ZNF528: variants seen among roughly 807,000 people sequenced by gnomAD.
The protein encoded by ZNF528 is zinc finger protein 528.
Under a neutral mutation model 13.3 loss-of-function variants are expected in ZNF528, and 9 were observed. The observed-to-expected ratio is 0.67, with a 90% CI of 0.41 to 1.18. The LOEUF is 1.18. Among genes scored for constraint, ZNF528 ranks in the 50% most tolerant of loss-of-function variants. The pLI is 0.01. For synonymous variants in ZNF528, 264 were observed against 254.3 expected, an observed-to-expected ratio of 1.04 and a Z score of -0.36; for missense variants, 858 against 745.4, an observed-to-expected ratio of 1.15 and a Z score of -1.76.
intron 4 of ZNF528, among the ~76,000 whole-genome samples, chr19:52,405,414 C>T (rs2122533077): frequency 6.6e-6 from 1 of 152,036 alleles, no homozygotes; most frequent in Non-Finnish European, 1.5e-5. Context: ...GCCTGTAGCC[C>T]CAGCTACTCC....
chr19:52,414,051 C>G (rs2058966286), intron 6 of ZNF528: 2 of 593,140 alleles, frequency 3.4e-6, no homozygotes, highest in Non-Finnish European at 6.1e-6. Flanking sequence ...CAGACAAGTT[C>G]TGCCCCACGT....
chr19:52,405,145 A>G (rs2058839682), intron 4 of ZNF528, among the ~76,000 whole-genome samples: 1 of 149,676 alleles, frequency 6.7e-6, no homozygotes. Flanking sequence ...TGAACCTGGG[A>G]GGTGGAGGTT....
intron 6 of ZNF528, among the ~76,000 whole-genome samples, chr19:52,410,368 G>C (rs944351627): frequency 6.6e-6 from 1 of 151,824 alleles, no homozygotes; most frequent in East Asian, 1.9e-4. Flanking sequence ...GTCGGTCAGC[G>C]GCTTGATTTA....
Position 52,416,568 on chromosome 19 carries a change from T to C in ZNF528, c.1716T>C (p.Thr572=). ...SGLTAHLAIH[T]EKKSHECKEC... ...TTACTGCCCATCTTGCAATCCATAC[T>C]GAAAAGAAATCTCATGAGTGTAAAG... Residue 572 remains threonine (T), a synonymous_variant, in exon 7 of 7, where the codon ACT becomes ACC. Coordinates refer to ENST00000360465, the MANE Select transcript of ZNF528 (RefSeq NM_032423.3). 1.2e-6 allele frequency: 2 copies of C among 1,614,192 alleles called. No homozygotes were observed. Among genetic ancestry groups the C allele is most frequent in the South Asian group, 1.1e-5 (1 of 91,082 alleles).
intron 2 of ZNF528, among the ~76,000 whole-genome samples, chr19:52,399,608 CAAAA>C (rs928264645): frequency 1.3e-5 from 2 of 151,728 alleles, no homozygotes; most frequent in African/African-American, 4.8e-5. Context: ...GACTCCATCT[CAAAA>C]AACAAAAAAC....
intron 5 of ZNF528, 29 bp downstream of exon 5, chr19:52,406,062 G>T (rs768490189): frequency 1.9e-6 from 3 of 1,597,534 alleles, no homozygotes; most frequent in Middle Eastern, 1.7e-4. Flanking sequence ...CAGAAGCCGG[G>T]ATCTGCCCTG....
At chr19:52,401,629 A>C in intron 2 of ZNF528, 56 bp from the exon 3 acceptor site, 1 of 1,209,650 alleles carries the variant, frequency 8.3e-7, no homozygotes, top group Non-Finnish European at 1.1e-6. Context: ...GTATGATTTT[A>C]GGAATCACAG....
At chr19:52,407,201 T>G (rs1405067814) in intron 6 of ZNF528, among the ~76,000 whole-genome samples, 2 of 151,734 alleles carry the variant, frequency 1.3e-5, no homozygotes, top group Non-Finnish European at 2.9e-5. Context: ...TGCAGTGGCA[T>G]GATTACGGCT....
chr19:52,416,877 GACATCACC>G lies in ZNF528; in HGVS notation c.*146_*153del. 1.2e-6 allele frequency: 1 copy of G among 823,902 alleles called. No homozygotes were observed. The highest frequency in any genetic ancestry group is 1.9e-6 in the Non-Finnish European group (1 of 536,030). 51.0% of individuals were successfully genotyped at this position (823,902 alleles called of 1,614,324 possible). A position where few individuals can be genotyped will look rare whatever the true frequency, so the allele number is the denominator to read the frequency against. ...TTTATCAAGGCCTGCCAAATCACTG[GACATCACC>G]ACATCACTGTGGAGGATGAAAGCAC... On this transcript the variant is annotated 3_prime_UTR_variant, in exon 7 of 7. Coordinates refer to ENST00000360465, the MANE Select transcript of ZNF528 (RefSeq NM_032423.3).
chr19:52,415,106 TTTTTC>T lies in ZNF528; in HGVS notation c.272-14_272-10del, dbSNP rs769668138. On this transcript the variant is annotated splice_polypyrimidine_tract_variant and intron_variant, in intron 6 of 6. Transcript: ENST00000360465. ...CATTATCATGGGTTGAAGTTCCACT[TTTTTC>T]TTTCTGTTTTAGAGAGGAGCTCTAA... 9 of 1,609,836 alleles carry T rather than the reference TTTTTC, an allele frequency of 5.6e-6. No homozygotes were observed. Among genetic ancestry groups the T allele is most frequent in the Non-Finnish European group, 7.6e-6 (9 of 1,177,936 alleles).
intron 2 of ZNF528, 131 bp downstream of exon 2, chr19:52,398,750 T>G (rs1172713629): frequency 5.5e-6 from 2 of 365,158 alleles, no homozygotes; most frequent in African/African-American, 4.3e-5. Flanking sequence ...AGGGAAGGCT[T>G]CTCAGACAGA....
chr19:52,409,728 T>C (rs1217431108), intron 6 of ZNF528, among the ~76,000 whole-genome samples: 1 of 152,088 alleles, frequency 6.6e-6, no homozygotes, highest in Non-Finnish European at 1.5e-5. Context: ...GTTTTTGTTT[T>C]TTTTGAGATG....
At chr19:52,405,018 C>T (rs919423230) in intron 4 of ZNF528, among the ~76,000 whole-genome samples, 1 of 151,320 alleles carries the variant, frequency 6.6e-6, no homozygotes, top group African/African-American at 2.4e-5. Context: ...GAGATCGAGA[C>T]CATCCTGGCC....
Position 52,416,206 on chromosome 19 carries a change from CT to C in ZNF528, c.1356del (p.Thr453LeufsTer5). The C allele has an allele frequency of 6.2e-7, 1 of 1,613,430 alleles. No individual in the cohort carries two copies. Among genetic ancestry groups the C allele is most frequent in the Non-Finnish European group, 8.5e-7 (1 of 1,179,720 alleles). On this transcript the variant is annotated frameshift_variant, in exon 7 of 7. Transcript: ENST00000360465. LOFTEE classifies it low-confidence loss of function (END_TRUNC). ...CACAGCGTTTAGAGAGTTTTCAGAC[CT>C]TACTGCCCATTTTCTAATCCATAGT... ...CGTAFREFSD[L>X]TAHFLIHSGE...
intron 6 of ZNF528, chr19:52,414,327 G>A: frequency 1.4e-6 from 1 of 702,504 alleles, no homozygotes; most frequent in Non-Finnish European, 2.6e-6. Flanking sequence ...CAGACCTTGG[G>A]GGACTGAACG....
intron 2 of ZNF528, among the ~76,000 whole-genome samples, chr19:52,399,319 A>T (rs79085387): frequency 0.032 from 4,937 of 152,284 alleles, 189 homozygotes; most frequent in Admixed American, 0.1. Flanking sequence ...AAATTTGTTT[A>T]GAACACATGA....
chr19:52,415,434 C>G lies in ZNF528; in HGVS notation c.582C>G (p.Val194=), dbSNP rs767185559. The G allele has an allele frequency of 2.5e-6, 4 of 1,614,208 alleles. No individual in the cohort carries two copies. Among genetic ancestry groups the G allele is most frequent in the Non-Finnish European group, 3.4e-6 (4 of 1,180,046 alleles). ...ATAAATGTAATGAGCACGGCCAAGTCTTTAGAGCATCTGCAAGCCTTACTA... is the reference window on the plus strand; with the variant it reads ...ATAAATGTAATGAGCACGGCCAAGTGTTTAGAGCATCTGCAAGCCTTACTA... ...KAYKCNEHGQ[V]FRASASLTNQ... Residue 194 remains valine, a synonymous_variant, in exon 7 of 7, where the codon GTC becomes GTG. Coordinates refer to ENST00000360465, the MANE Select transcript of ZNF528 (RefSeq NM_032423.3).
rs768969974 is a variant in ZNF528, at chr19:52,416,586, G to A, written c.1734G>A (p.Glu578=). The A allele has an allele frequency of 3.1e-6, 5 of 1,613,978 alleles. No homozygotes were observed. The highest frequency in any genetic ancestry group is 4.2e-6 in the Non-Finnish European group (5 of 1,179,970). The stretch of plus-strand genomic sequence containing the variant: ...TCCATACTGAAAAGAAATCTCATGA[G>A]TGTAAAGAATGTGGCAAGATCTTCA... The part of the protein sequence containing the change: ...LAIHTEKKSH[E]CKECGKIFTQ... The change falls in exon 7 of 7, where the codon GAG becomes GAA. Residue 578 remains glutamate, a synonymous_variant. Coordinates refer to ENST00000360465, the MANE Select transcript of ZNF528 (RefSeq NM_032423.3).
At chr19:52,404,841 C>T (rs1397747597) in intron 4 of ZNF528, among the ~76,000 whole-genome samples, 1 of 151,758 alleles carries the variant, frequency 6.6e-6, no homozygotes, top group Non-Finnish European at 1.5e-5. Context: ...TCAGGTGATC[C>T]ACCTGCCTTG....
Sources: gnomAD v4.1 joint callset for allele counts (sites outside exome capture counted in the v4.1 genomes callset) on GRCh38, gnomAD v4.1.1 for gene constraint, MANE v1.5 for transcripts, NCBI Gene and HGNC (gene_info 2026-07-23, HGNC 2026-07-21) for gene names.